Variants in TGFBRAP1 observed in about 807,000 individuals in gnomAD.
TGFBRAP1 encodes transforming growth factor beta receptor associated protein 1.
Under a neutral mutation model 83.2 loss-of-function variants are expected in TGFBRAP1, and 20 were observed. That is an observed-to-expected ratio of 0.24 (90% CI 0.17 to 0.35). The LOEUF is 0.35. Ranked by LOEUF, TGFBRAP1 falls within the 10% of genes least tolerant of loss-of-function variation. The pLI is 1.00. For missense variants in TGFBRAP1, 950 were observed against 1,099.4 expected (o/e 0.86, Z 1.92); for synonymous variants, 415 against 459.8 (o/e 0.90, Z 1.25).
In TGFBRAP1 at chr2:105,324,431, G is replaced by A. The variant is rs1679163161; in HGVS notation, c.-18+5194C>T. 2.0e-5 allele frequency: 3 copies of A among 152,180 alleles called. No individual in the cohort carries two copies. The South Asian group carries it at 6.2e-4, about 32-fold the overall frequency. 9.4% of individuals were successfully genotyped at this position (152,180 alleles called of 1,614,324 possible). A position where few individuals can be genotyped will look rare whatever the true frequency, so the allele number is the denominator to read the frequency against. ...GGAAAGGAAACAGTCATAAGACTGT[G>A]TCAGTGACTAAAAAGGACAAGCATG... On this transcript the variant is annotated intron_variant, in intron 1 of 11. Transcript: ENST00000393359.
intron 5 of TGFBRAP1, among the ~76,000 whole-genome samples, chr2:105,283,525 G>C (rs1264948889): frequency 6.6e-6 from 1 of 152,190 alleles, no homozygotes; most frequent in South Asian, 2.1e-4. Flanking sequence ...ATTCTGGAGA[G>C]ACATTTTGAG....
intron 6 of TGFBRAP1, 115 bp from the exon 7 acceptor site, chr2:105,277,786 G>C: frequency 2.9e-6 from 3 of 1,025,860 alleles, no homozygotes; most frequent in Non-Finnish European, 3.1e-6. Context: ...TCGAGTTCAG[G>C]CTCATGCCTG....
chr2:105,275,430 TAAC>T (rs1677305489), intron 8 of TGFBRAP1, 127 bp downstream of exon 8: 6 of 1,423,794 alleles, frequency 4.2e-6, no homozygotes, highest in Non-Finnish European at 5.6e-6. Context: ...AGGGGAATAA[TAAC>T]AACAACAAAA....
intron 1 of TGFBRAP1, among the ~76,000 whole-genome samples, chr2:105,322,931 G>T: frequency 6.6e-6 from 1 of 152,180 alleles, no homozygotes; most frequent in East Asian, 1.9e-4. Flanking sequence ...GGCAGACAGA[G>T]CTTGGCACAC....
chr2:105,297,179 C>T (rs557933829), intron 3 of TGFBRAP1, among the ~76,000 whole-genome samples: 1 of 152,276 alleles, frequency 6.6e-6, no homozygotes, highest in African/African-American at 2.4e-5. Flanking sequence ...TTAAAACTGG[C>T]TCCCTTCTGC....
the TGFBRAP1 span, among the ~76,000 whole-genome samples, chr2:105,253,576 C>T: frequency 2.0e-5 from 3 of 152,196 alleles, no homozygotes; most frequent in East Asian, 5.8e-4. Context: ...GGACTACAGG[C>T]GTGTGCCACC....
downstream of TGFBRAP1, among the ~76,000 whole-genome samples, chr2:105,260,813 T>C (rs576763141): frequency 6.6e-6 from 1 of 152,204 alleles, no homozygotes; most frequent in Non-Finnish European, 1.5e-5. Context: ...TTAACATACA[T>C]GCAAAATGCA....
At position 105,296,412 on chromosome 2, in the gene TGFBRAP1, C is replaced by A. The variant is rs1194741135; in HGVS notation, c.982G>T (p.Glu328Ter). 6.2e-7 allele frequency: 1 copy of A among 1,614,132 alleles called. No homozygotes were observed. The highest frequency in any genetic ancestry group is 8.5e-7 in the Non-Finnish European group (1 of 1,180,016). The change falls in exon 4 of 12, where the codon GAG becomes TAG. Residue 328 changes from glutamate to a stop codon, truncating the protein, a stop_gained. Coordinates refer to ENST00000393359, the MANE Select transcript of TGFBRAP1 (RefSeq NM_004257.6). LOFTEE classifies it high-confidence loss of function. ...QDLLASRRVE[E>*]ALVLAKGARR... ...GCTCCTTTTGCTAAAACCAAAGCCT[C>A]TTCTACTCTGCGGCTTGCTAGAAGA...
At chr2:105,281,712 A>C (rs145892865) in intron 5 of TGFBRAP1, among the ~76,000 whole-genome samples, 1 of 152,192 alleles carries the variant, frequency 6.6e-6, no homozygotes, top group African/African-American at 2.4e-5. Flanking sequence ...CCCACACCCC[A>C]ACACTTCTAC....
chr2:105,252,344 G>T, the TGFBRAP1 span, among the ~76,000 whole-genome samples: 2 of 152,294 alleles, frequency 1.3e-5, no homozygotes, highest in East Asian at 3.9e-4. Flanking sequence ...GAAACTATCT[G>T]AAACAGGAGG....
Position 105,269,359 on chromosome 2 carries a change from G to A in TGFBRAP1, c.2319C>T (p.Ala773=), listed in dbSNP as rs201611141. The change falls in exon 11 of 12, where the codon GCC becomes GCT. Residue 773 remains alanine (A), a synonymous_variant. Coordinates refer to ENST00000393359, the MANE Select transcript of TGFBRAP1 (RefSeq NM_004257.6). The surrounding 1 kb of genome is among the most constrained non-coding windows in gnomAD (Gnocchi z 4.1). ...VQLLCPFLMG[A]MRDSIHARRT... ...TCCTGGCATGGATGCTGTCCCTCAT[G>A]GCCCCCATCAGGAATGGGCAGAGGA... is the stretch of plus-strand genomic sequence containing the variant. 3 of 1,614,028 alleles carry A rather than the reference G, an allele frequency of 1.9e-6. No homozygotes were observed. Among genetic ancestry groups the A allele is most frequent in the African/African-American group, 1.3e-5 (1 of 75,030 alleles).
At chr2:105,252,088 G>A in the TGFBRAP1 span, among the ~76,000 whole-genome samples, 1 of 151,200 alleles carries the variant, frequency 6.6e-6, no homozygotes, top group Non-Finnish European at 1.5e-5. Context: ...CTATTGTCCT[G>A]TGACCCTGCC....
chr2:105,303,956 A>G (rs559893235), intron 2 of TGFBRAP1, among the ~76,000 whole-genome samples: 1 of 152,236 alleles, frequency 6.6e-6, no homozygotes, highest in Non-Finnish European at 1.5e-5. Flanking sequence ...CAGAAAACTG[A>G]AGATTAAAAC....
In TGFBRAP1 at chr2:105,273,605, T is replaced by C; in HGVS notation, c.1751A>G (p.Lys584Arg). 6.2e-7 allele frequency: 1 copy of C among 1,614,236 alleles called. No homozygotes were observed. The highest frequency in any genetic ancestry group is 1.1e-5 in the South Asian group (1 of 91,086). ...CTTCACAAGGGCTTTAGGGTATTTT[T>C]TAAGGCAATTGATAATGTCGTCTGG... ...FNPDDIINCL[K>R]KYPKALVKYL... is the part of the protein sequence containing the mutation. The change falls in exon 9 of 12, where the codon AAA (lysine) becomes AGA (arginine). Residue 584 changes from lysine to arginine, a missense_variant. Lys to Arg is a conservative substitution (Grantham distance 26). Coordinates refer to ENST00000393359, the MANE Select transcript of TGFBRAP1 (RefSeq NM_004257.6).
downstream of TGFBRAP1, among the ~76,000 whole-genome samples, chr2:105,259,623 G>T (rs1244046627): frequency 6.6e-5 from 10 of 152,172 alleles, no homozygotes; most frequent in Admixed American, 5.9e-4. Flanking sequence ...GATGGAAAAT[G>T]TGCAAACCTT....
chr2:105,318,432 AT>A lies in TGFBRAP1; in HGVS notation c.-17-10115del, dbSNP rs997671949. ...TATATCTTATACAGATTACAAATAT[AT>A]TTTTATAGGCATTAAATATTAATTA... On this transcript the variant is annotated intron_variant, in intron 1 of 11. Transcript: ENST00000393359. 4.6e-5 allele frequency among the ~76,000 whole-genome samples: 7 copies of A among 152,144 alleles called. No homozygotes were observed. The East Asian group carries it at 5.8e-4, about 13-fold the overall frequency.
intron 11 of TGFBRAP1, chr2:105,267,863 A>C: frequency 1.0e-6 from 1 of 985,448 alleles, no homozygotes; most frequent in African/African-American, 1.7e-5. Context: ...TGATCATTTC[A>C]AGCAAGGCCT....
At chr2:105,253,276 G>A in the TGFBRAP1 span, among the ~76,000 whole-genome samples, 4 of 152,136 alleles carry the variant, frequency 2.6e-5, no homozygotes, top group East Asian at 1.9e-4. Flanking sequence ...GGGATTACAG[G>A]CATGTGCCAT....
chr2:105,302,179 A>G (rs549758203), intron 2 of TGFBRAP1, among the ~76,000 whole-genome samples: 84 of 152,312 alleles, frequency 5.5e-4, no homozygotes, highest in African/African-American at 1.9e-3. Flanking sequence ...TGGCAAAAAC[A>G]CACAAGTTTG....
Sources: allele counts gnomAD v4.1 joint callset (sites outside exome capture counted in the v4.1 genomes callset), GRCh38; gene constraint gnomAD v4.1.1; non-coding constraint Gnocchi (gnomAD v3.1); transcripts MANE v1.5; gene names NCBI Gene and HGNC (gene_info 2026-07-23, HGNC 2026-07-21).